The following DCC variants were observed in gnomAD, a reference collection of about 807,000 sequenced individuals.
The protein encoded by DCC is netrin receptor DCC.
DCC carries 58 observed loss-of-function variants against 172.5 expected under a neutral mutation model. That is an observed-to-expected ratio of 0.34 (90% CI 0.27 to 0.42). The LOEUF (loss-of-function observed/expected upper bound fraction) is 0.42, where lower values mean the gene tolerates loss of function less well. Ranked by LOEUF, DCC falls within the 10% of genes least tolerant of loss-of-function variation. DCC has a pLI of 1.00. For missense variants in DCC, 1,740 were observed against 1,791.0 expected (o/e 0.97, Z 0.51); for synonymous variants, 709 against 644.5 (o/e 1.10, Z -1.52).
intron 5 of DCC, among the ~76,000 whole-genome samples, chr18:52,969,582 C>CT (rs60961374): frequency 3.7e-4 from 30 of 80,070 alleles, no homozygotes; most frequent in Middle Eastern, 6.7e-3. Flanking sequence ...GCCCCGCCCC[C>CT]CACTCTCTCT....
chr18:52,892,119 T>C (rs1363892932), intron 2 of DCC, among the ~76,000 whole-genome samples: 1 of 152,118 alleles, frequency 6.6e-6, no homozygotes, highest in Non-Finnish European at 1.5e-5. Context: ...AAAGCCCATG[T>C]CCTATTGAAC....
intron 7 of DCC, among the ~76,000 whole-genome samples, chr18:53,104,179 T>C (rs1195738847): frequency 6.6e-6 from 1 of 152,020 alleles, no homozygotes; most frequent in African/African-American, 2.4e-5. Context: ...ATAACAGTTA[T>C]AGAGCTTTAA....
rs568352846 is a variant in DCC at position 52,804,891 on chromosome 18, C to T, written c.412+52517C>T. The stretch of plus-strand genomic sequence containing the variant: ...CCTACTGCGCCTGGCCCTAAAATTT[C>T]GTTTTAAAAAAATATGCCTGGTGTT... On this transcript the variant is annotated intron_variant, in intron 2 of 28. Transcript: ENST00000442544. 6.6e-4 allele frequency among the ~76,000 whole-genome samples: 101 copies of T among 152,124 alleles called. 1 individual carries two copies. The highest frequency in any genetic ancestry group is 3.3e-4 in the Admixed American group (5 of 15,288).
At chr18:52,957,453 AAAG>A (rs543367667) in intron 5 of DCC, among the ~76,000 whole-genome samples, 152 of 152,294 alleles carry the variant, frequency 1.0e-3, no homozygotes, top group African/African-American at 3.6e-3. Flanking sequence ...CAAAGGAACT[AAAG>A]AGATGCAAGA....
chr18:53,126,333 A>T (rs1470623622), intron 7 of DCC, among the ~76,000 whole-genome samples: 2 of 152,150 alleles, frequency 1.3e-5, no homozygotes, highest in Non-Finnish European at 2.9e-5. Context: ...ATAATGCCTC[A>T]ACTCTCTATA....
intron 14 of DCC, among the ~76,000 whole-genome samples, chr18:53,325,434 A>C (rs1169204167): frequency 6.6e-6 from 1 of 152,198 alleles, no homozygotes; most frequent in Non-Finnish European, 1.5e-5. Flanking sequence ...CAAAATATCC[A>C]GAATGAAACA....
intron 27 of DCC, among the ~76,000 whole-genome samples, chr18:53,502,554 T>G (rs1440147275): frequency 5.3e-5 from 8 of 152,178 alleles, no homozygotes; most frequent in Admixed American, 4.6e-4. Flanking sequence ...CAAGTTTTGA[T>G]TCTAAGAAAA....
chr18:52,634,654 G>T lies in DCC; in HGVS notation c.92-117400G>T, dbSNP rs527446961. Among the ~76,000 whole-genome samples, 3 of 152,274 alleles carry T rather than the reference G, an allele frequency of 2.0e-5. No individual in the cohort carries two copies. The South Asian group carries it at 6.2e-4, about 32-fold the overall frequency. On this transcript the variant is annotated intron_variant, in intron 1 of 28. Transcript: ENST00000442544. The stretch of plus-strand genomic sequence containing the variant: ...AATTCTAATGACAATCATTATTACA[G>T]ATTTTACTGATTGGTTTTATTTAAC...
At chr18:52,490,666 C>T (rs1352896010) in intron 1 of DCC, among the ~76,000 whole-genome samples, 1 of 152,098 alleles carries the variant, frequency 6.6e-6, no homozygotes, top group African/African-American at 2.4e-5. Flanking sequence ...TGTAGTCCCC[C>T]TCCTTTTTCT....
At position 53,008,081 on chromosome 18, in the gene DCC, A is replaced by G. The variant is rs1046173236; in HGVS notation, c.986-55224A>G. Reference sequence around the variant, plus strand: ...CAGAATTTGTGCATAATATTACTAAATAATGCTTCTGAATCACATAGACAT... The same window carrying G: ...CAGAATTTGTGCATAATATTACTAAGTAATGCTTCTGAATCACATAGACAT... On this transcript the variant is annotated intron_variant, in intron 5 of 28. Coordinates refer to ENST00000442544, the MANE Select transcript of DCC (RefSeq NM_005215.4). Among the ~76,000 whole-genome samples the G allele has an allele frequency of 5.3e-5, 8 of 152,278 alleles. No individual in the cohort carries two copies. In the East Asian group the frequency reaches 1.5e-3, roughly 29 times the overall value.
chr18:52,727,370 A>G (rs1574039), intron 1 of DCC, among the ~76,000 whole-genome samples: 77,186 of 151,938 alleles, frequency 0.51, 20,052 homozygotes, highest in South Asian at 0.61. Context: ...AGTTTCCAAG[A>G]GTTAGGATAA....
chr18:53,148,457 A>G (rs768111565), intron 7 of DCC, among the ~76,000 whole-genome samples: 12 of 152,156 alleles, frequency 7.9e-5, no homozygotes, highest in Non-Finnish European at 1.5e-4. Flanking sequence ...ATTCAATGAC[A>G]TAAACTCAAG....
rs543623908 is a variant in DCC, at chr18:52,896,829, C to T, written c.413-9215C>T. ...CACGTTGTAGTTCATGTCTGATCAC[C>T]ACCTCCAGGGGAAAGCTGGGTAGGG... is the stretch of plus-strand genomic sequence containing the variant. On this transcript the variant is annotated intron_variant, in intron 2 of 28. Transcript: ENST00000442544. Among the ~76,000 whole-genome samples, 12 of 151,904 alleles carry T rather than the reference C, an allele frequency of 7.9e-5. 1 individual carries two copies. The South Asian group carries it at 2.5e-3, about 32-fold the overall frequency.
At chr18:52,531,562 T>C (rs1023484193) in intron 1 of DCC, among the ~76,000 whole-genome samples, 2 of 152,226 alleles carry the variant, frequency 1.3e-5, no homozygotes, top group Non-Finnish European at 2.9e-5. Context: ...ACTATCTTCC[T>C]TCTTAAAGTA....
intron 5 of DCC, among the ~76,000 whole-genome samples, chr18:52,929,815 CAAA>C (rs2040276701): frequency 1.2e-5 from 1 of 83,224 alleles, no homozygotes; most frequent in Non-Finnish European, 2.4e-5. Context: ...CTGGACTTTG[CAAA>C]CACACACACA....
chr18:52,895,277 G>C (rs563280520), intron 2 of DCC, among the ~76,000 whole-genome samples: 2 of 152,256 alleles, frequency 1.3e-5, no homozygotes, highest in South Asian at 4.2e-4. Flanking sequence ...TGTGTAATGA[G>C]ATTTTTAGCT....
intron 11 of DCC, among the ~76,000 whole-genome samples, chr18:53,208,068 C>T (rs1805512786): frequency 6.6e-6 from 1 of 151,262 alleles, no homozygotes; most frequent in Non-Finnish European, 1.5e-5. Context: ...GTTCAAGACC[C>T]ACCTGAACAA....
intron 2 of DCC, among the ~76,000 whole-genome samples, chr18:52,807,590 CATT>C (rs922468508): frequency 2.0e-5 from 3 of 152,126 alleles, no homozygotes; most frequent in South Asian, 2.1e-4. Flanking sequence ...GAAGAAGAAA[CATT>C]ATTACAACTT....
In DCC at chr18:52,762,934, A is replaced by G. The variant is rs142547183; in HGVS notation, c.412+10560A>G. ...GTAAAGGAATGAGTTTACACTATTT[A>G]CATCCTAACTTAGGTTACCCAGAGA... On this transcript the variant is annotated intron_variant, in intron 2 of 28. Transcript: ENST00000442544. Among the ~76,000 whole-genome samples the G allele has an allele frequency of 7.0e-4, 107 of 152,342 alleles. 1 individual carries two copies. In the East Asian group the frequency reaches 0.015, roughly 22 times the overall value.
Sources: gnomAD v4.1 joint callset for allele counts (sites outside exome capture counted in the v4.1 genomes callset) on GRCh38, gnomAD v4.1.1 for gene constraint, MANE v1.5 for transcripts, NCBI Gene and HGNC (gene_info 2026-07-23, HGNC 2026-07-21) for gene names.